TACC2: variants seen among roughly 807,000 people sequenced by gnomAD.
TACC2 encodes transforming acidic coiled-coil containing protein 2.
TACC2 carries 137 observed loss-of-function variants against 227.3 expected under a neutral mutation model. That is an observed-to-expected ratio of 0.60 (90% CI 0.52 to 0.69). TACC2 has a LOEUF of 0.69. Ranked by LOEUF, TACC2 falls within the 30% of genes least tolerant of loss-of-function variation. TACC2 has a pLI of 0.00. For synonymous variants in TACC2, 1,523 were observed against 1,487.5 expected (o/e 1.02, Z -0.55); for missense variants, 3,470 against 3,694.4 (o/e 0.94, Z 1.57).
At chr10:121,997,300 G>A (rs1014194872) in intron 1 of TACC2, among the ~76,000 whole-genome samples, 11 of 152,130 alleles carry the variant, frequency 7.2e-5, no homozygotes, top group African/African-American at 2.4e-4. Context: ...CTGGTCTGAG[G>A]GTGGATGGAT....
intron 18 of TACC2, among the ~76,000 whole-genome samples, chr10:122,238,651 A>G (rs1417810630): frequency 6.6e-6 from 1 of 152,040 alleles, no homozygotes; most frequent in Non-Finnish European, 1.5e-5. Flanking sequence ...GGGTTTCACC[A>G]TGTTGGCCAG....
At chr10:122,140,956 C>G (rs1355297996) in intron 6 of TACC2, among the ~76,000 whole-genome samples, 1 of 152,180 alleles carries the variant, frequency 6.6e-6, no homozygotes, top group Non-Finnish European at 1.5e-5. Context: ...TTGGGTCATT[C>G]TGGTGGCTGT....
intron 7 of TACC2, among the ~76,000 whole-genome samples, chr10:122,151,688 A>G (rs1038566768): frequency 1.3e-5 from 2 of 152,026 alleles, no homozygotes; most frequent in Admixed American, 1.3e-4. Flanking sequence ...GGTGGAGGAG[A>G]GGCCAGAGGT....
At chr10:122,146,918 C>A (rs1371687648) in intron 7 of TACC2, among the ~76,000 whole-genome samples, 7 of 152,018 alleles carry the variant, frequency 4.6e-5, no homozygotes, top group Admixed American at 2.6e-4. Context: ...CTTGACAGTT[C>A]TAAGGAGTTC....
chr10:122,142,364 C>G (rs572090279), intron 6 of TACC2, among the ~76,000 whole-genome samples: 2 of 152,340 alleles, frequency 1.3e-5, no homozygotes, highest in East Asian at 3.9e-4. Flanking sequence ...GGCCCCTGTC[C>G]TCGTGGAGCT....
At position 122,180,504 on chromosome 10, in the gene TACC2, A is replaced by AT. The variant is rs1396452319; in HGVS notation, c.5835-14529dup. Among the ~76,000 whole-genome samples, 2 of 151,376 alleles carry AT rather than the reference A, an allele frequency of 1.3e-5. No individual in the cohort carries two copies. The highest frequency in any genetic ancestry group is 2.4e-5 in the African/African-American group (1 of 41,178). Reference sequence around the variant, plus strand: ...AGGCGCCCGCCACCACACCCGGCTAATTTTTTTGTGTTTTTGGTAGAAACG... The same window carrying AT: ...AGGCGCCCGCCACCACACCCGGCTAATTTTTTTTGTGTTTTTGGTAGAAACG... On this transcript the variant is annotated intron_variant, in intron 7 of 22. Transcript: ENST00000369005. This position sits in a 1 kb window ranked among gnomAD's most constrained non-coding sequence, Gnocchi z 4.5.
In TACC2 at chr10:122,007,473, C is replaced by G. The variant is rs528705070; in HGVS notation, c.-45-14464C>G. 3.9e-5 allele frequency among the ~76,000 whole-genome samples: 6 copies of G among 152,234 alleles called. No individual in the cohort carries two copies. The South Asian group carries it at 1.2e-3, about 32-fold the overall frequency. ...CTCAGGGTGTAAGGAAGATTTTCCT[C>G]AAGTAATATGTGTGAAATATTATCT... is the stretch of plus-strand genomic sequence containing the variant. On this transcript the variant is annotated intron_variant, in intron 1 of 22. Coordinates refer to ENST00000369005, the MANE Select transcript of TACC2 (RefSeq NM_206862.4).
intron 5 of TACC2, chr10:122,112,919 C>T (rs949922918): frequency 6.6e-6 from 1 of 152,028 alleles, no homozygotes; most frequent in African/African-American, 2.4e-5. Flanking sequence ...GGCGGGCGCC[C>T]TGCGCGAGCA....
chr10:122,000,806 TTTG>T (rs1180680089), intron 1 of TACC2, among the ~76,000 whole-genome samples: 4 of 152,112 alleles, frequency 2.6e-5, no homozygotes, highest in Non-Finnish European at 4.4e-5. Context: ...TTTTCTGTTT[TTTG>T]TTGTTGTTTT....
intron 3 of TACC2, among the ~76,000 whole-genome samples, chr10:122,080,721 A>G (rs935775686): frequency 1.4e-4 from 22 of 152,300 alleles, no homozygotes; most frequent in African/African-American, 4.8e-4. Flanking sequence ...AAATTTAACA[A>G]TAATGCACTT....
chr10:121,996,262 C>T (rs1322256094), intron 1 of TACC2, among the ~76,000 whole-genome samples: 1 of 152,036 alleles, frequency 6.6e-6, no homozygotes, highest in Non-Finnish European at 1.5e-5. Flanking sequence ...TGCTGTGTTG[C>T]TCAGGCTGTG....
rs960101589 is a variant in TACC2 at position 122,061,023 on chromosome 10, G to C, written c.146+10473G>C. Among the ~76,000 whole-genome samples, 10 of 16,456 alleles carry C rather than the reference G, an allele frequency of 6.1e-4. No homozygotes were observed. In the Admixed American group the frequency reaches 6.2e-3, roughly 10 times the overall value. The allele number at this position is 16,456 out of a possible 152,430, so 10.8% of individuals were successfully genotyped here. On this transcript the variant is annotated intron_variant, in intron 3 of 22. Coordinates refer to ENST00000369005, the MANE Select transcript of TACC2 (RefSeq NM_206862.4). ...CTCAAAAAAAAAAAAAAAAAAAGGG[G>C]GGGGGGCCAGGCACGGTGGCTCACA...
rs1448469703 is a variant in TACC2, at chr10:122,205,636, CGCACCTGTG to C, written c.5972-4752_5972-4744del. On this transcript the variant is annotated intron_variant, in intron 8 of 22. Coordinates refer to ENST00000369005, the MANE Select transcript of TACC2 (RefSeq NM_206862.4). This position sits in a 1 kb window ranked among gnomAD's most constrained non-coding sequence, Gnocchi z 4.5. ...AGTTCCAGACTTCCCGATGAGGAGGCGCACCTGTGGCACCTGTTACGATGGGGGCCCTGA... is the reference window on the plus strand; with the variant it reads ...AGTTCCAGACTTCCCGATGAGGAGGCGCACCTGTTACGATGGGGGCCCTGA... 6.6e-6 allele frequency among the ~76,000 whole-genome samples: 1 copy of C among 152,204 alleles called. No individual in the cohort carries two copies. The highest frequency in any genetic ancestry group is 2.4e-5 in the African/African-American group (1 of 41,454).
chr10:122,214,204 A>G (rs2095354898), intron 9 of TACC2, among the ~76,000 whole-genome samples: 1 of 152,144 alleles, frequency 6.6e-6, no homozygotes, highest in African/African-American at 2.4e-5. Context: ...TCTTCTGCCC[A>G]AGGGATTTCT....
intron 1 of TACC2, among the ~76,000 whole-genome samples, chr10:122,021,198 T>C (rs766115085): frequency 1.2e-4 from 17 of 147,156 alleles, no homozygotes; most frequent in Non-Finnish European, 2.4e-4. Context: ...CACTGCACTC[T>C]AGCCTGGGCG....
intron 7 of TACC2, among the ~76,000 whole-genome samples, chr10:122,178,033 A>G (rs2093803327): frequency 6.6e-6 from 1 of 152,172 alleles, no homozygotes; most frequent in Admixed American, 6.5e-5. Flanking sequence ...CTGCTACAAC[A>G]AAATCCCATA....
chr10:122,237,754 G>T lies in TACC2; in HGVS notation c.8272-207G>T, dbSNP rs895169497. Among the ~76,000 whole-genome samples, 1 of 152,226 alleles carries T rather than the reference G, an allele frequency of 6.6e-6. No individual in the cohort carries two copies. The highest frequency in any genetic ancestry group is 1.5e-5 in the Non-Finnish European group (1 of 68,042). On this transcript the variant is annotated intron_variant, in intron 17 of 22. Transcript: ENST00000369005. Reference sequence around the variant, plus strand: ...TACAACAAAAAGCATGCCCCTTTCAGTTGCTCCCCAGTGGGCACTGTGAAA... The same window carrying T: ...TACAACAAAAAGCATGCCCCTTTCATTTGCTCCCCAGTGGGCACTGTGAAA...
intron 7 of TACC2, among the ~76,000 whole-genome samples, chr10:122,155,320 G>A (rs1468244361): frequency 6.6e-6 from 1 of 152,192 alleles, no homozygotes; most frequent in Non-Finnish European, 1.5e-5. Flanking sequence ...TTCCTTAAAA[G>A]GCCTTTTATT....
At chr10:122,031,727 C>T (rs2135800989) in intron 2 of TACC2, among the ~76,000 whole-genome samples, 2 of 140,802 alleles carry the variant, frequency 1.4e-5, no homozygotes, top group East Asian at 4.4e-4. Context: ...TTTTTCGAGA[C>T]AGAGTCTCAC....
Sources: gnomAD v4.1 joint callset for allele counts (sites outside exome capture counted in the v4.1 genomes callset) on GRCh38, gnomAD v4.1.1 for gene constraint, Gnocchi (gnomAD v3.1) non-coding constraint, MANE v1.5 for transcripts, NCBI Gene and HGNC (gene_info 2026-07-23, HGNC 2026-07-21) for gene names.